The following OR1F1 variants were observed in gnomAD, a reference collection of about 807,000 sequenced individuals.
OR1F1 encodes olfactory receptor family 1 subfamily F member 1.
For synonymous variants in OR1F1, 184 were observed against 156.7 expected (o/e 1.17, Z -1.30); for missense variants, 493 against 376.3 (o/e 1.31, Z -2.57).
At chr16:3,204,679 G>T in exon 1 of OR1F1, 1 of 1,614,166 alleles carries the variant, frequency 6.2e-7, no homozygotes, top group East Asian at 2.2e-5. Flanking sequence ...TGCCCTGCTG[G>T]TTGCTGGATT....
the OR1F1 span, among the ~76,000 whole-genome samples, chr16:3,190,024 A>G: frequency 6.6e-6 from 1 of 152,024 alleles, no homozygotes; most frequent in African/African-American, 2.4e-5. Context: ...AAGTCCCTAT[A>G]TACAATAAGA....
At chr16:3,200,655 T>C (rs1958126311), upstream of OR1F1, among the ~76,000 whole-genome samples, 2 of 152,140 alleles carry the variant, frequency 1.3e-5, no homozygotes, top group Admixed American at 1.3e-4. Context: ...AAAAGGTCAA[T>C]TTGAAGGCAG....
the OR1F1 span, among the ~76,000 whole-genome samples, chr16:3,190,147 G>A: frequency 6.6e-6 from 1 of 152,146 alleles, no homozygotes; most frequent in Non-Finnish European, 1.5e-5. Flanking sequence ...CACTCGAGCA[G>A]TGGAGATAGG....
chr16:3,198,538 A>T, the OR1F1 span, among the ~76,000 whole-genome samples: 2 of 152,180 alleles, frequency 1.3e-5, no homozygotes, highest in Admixed American at 1.3e-4. Flanking sequence ...GGGAACAGGT[A>T]GCTCTCCTGG....
the OR1F1 span, among the ~76,000 whole-genome samples, chr16:3,192,765 C>T: frequency 6.6e-6 from 1 of 151,876 alleles, no homozygotes; most frequent in African/African-American, 2.4e-5. Flanking sequence ...GTTGGCCCAG[C>T]TCTGAGTCGC....
downstream of OR1F1, among the ~76,000 whole-genome samples, chr16:3,206,305 T>C (rs1958208625): frequency 6.6e-6 from 1 of 152,224 alleles, no homozygotes; most frequent in Admixed American, 6.5e-5. Flanking sequence ...ATCAAGACAA[T>C]ACGTGCACAG....
chr16:3,194,217 A>G, the OR1F1 span, among the ~76,000 whole-genome samples: 1 of 152,202 alleles, frequency 6.6e-6, no homozygotes, highest in Non-Finnish European at 1.5e-5. Flanking sequence ...AGAAAAAGCA[A>G]TGTACAGCTT....
chr16:3,198,899 G>T, the OR1F1 span, among the ~76,000 whole-genome samples: 1 of 151,456 alleles, frequency 6.6e-6, no homozygotes, highest in Non-Finnish European at 1.5e-5. Context: ...TGAGGCTGCA[G>T]TGAGCTGTGT....
the OR1F1 span, among the ~76,000 whole-genome samples, chr16:3,196,158 G>A: frequency 2.0e-5 from 3 of 152,362 alleles, no homozygotes; most frequent in East Asian, 3.9e-4. Context: ...GTTATGCCCA[G>A]CTAGCTCAGC....
the OR1F1 span, among the ~76,000 whole-genome samples, chr16:3,196,188 T>C: frequency 1.3e-4 from 20 of 152,210 alleles, no homozygotes; most frequent in Admixed American, 1.3e-3. Flanking sequence ...ACAAGACTCT[T>C]AATCTCAGGG....
chr16:3,205,091 C>T lies in OR1F1; in HGVS notation c.845C>T (p.Thr282Ile), dbSNP rs143573382. Reference sequence around the variant, plus strand: ...GCTACTGTGTTGTATACAGTAGTGACTCCCATGCTAAACCCTTTCATCTAC... The same window carrying T: ...GCTACTGTGTTGTATACAGTAGTGATTCCCATGCTAAACCCTTTCATCTAC... Residue 282 changes from threonine (T) to isoleucine (I), a missense_variant, in exon 1 of 1, where the codon ACT (threonine) becomes ATT (isoleucine). By Grantham distance (89) the Thr-to-Ile change is moderately conservative. Transcript: ENST00000304646. The T allele has an allele frequency of 2.4e-5, 39 of 1,613,970 alleles. No individual in the cohort carries two copies. In the African/African-American group the frequency reaches 2.8e-4, roughly 12 times the overall value.
chr16:3,204,194 A>G (rs1958170916), upstream of OR1F1: 2 of 1,401,380 alleles, frequency 1.4e-6, no homozygotes, highest in East Asian at 4.7e-5. Context: ...GCATTTTCCA[A>G]GCTTTTGCAT....
chr16:3,204,651 G>C (rs1385499949), exon 1 of OR1F1: 1 of 1,614,158 alleles, frequency 6.2e-7, no homozygotes, highest in Admixed American at 1.7e-5. Flanking sequence ...ACACAGCAAA[G>C]ATGACCCATC....
At chr16:3,199,731 T>C (rs1374703613), upstream of OR1F1, among the ~76,000 whole-genome samples, 1 of 152,128 alleles carries the variant, frequency 6.6e-6, no homozygotes, top group Non-Finnish European at 1.5e-5. Context: ...TTGAAAGTTA[T>C]GGCTGGTTGC....
chr16:3,195,530 A>G, the OR1F1 span, among the ~76,000 whole-genome samples: 2 of 151,834 alleles, frequency 1.3e-5, no homozygotes, highest in African/African-American at 4.8e-5. Flanking sequence ...AAATACAAAA[A>G]TATTAACCGG....
At chr16:3,192,629 C>CG in the OR1F1 span, among the ~76,000 whole-genome samples, 36 of 152,242 alleles carry the variant, frequency 2.4e-4, no homozygotes, top group African/African-American at 8.7e-4. Context: ...TCCACGATCC[C>CG]GGGGGGCGTC....
At chr16:3,198,320 G>A in the OR1F1 span, among the ~76,000 whole-genome samples, 6 of 152,092 alleles carry the variant, frequency 3.9e-5, no homozygotes, top group Admixed American at 2.6e-4. Context: ...CAGGAAGAGC[G>A]GGTGTTTTCA....
the OR1F1 span, among the ~76,000 whole-genome samples, chr16:3,193,980 C>T: frequency 1.3e-5 from 2 of 152,172 alleles, no homozygotes; most frequent in South Asian, 2.1e-4. Context: ...GTTCGAGTTC[C>T]ACCTGGGGTA....
the OR1F1 span, among the ~76,000 whole-genome samples, chr16:3,189,022 G>A: frequency 6.6e-6 from 1 of 152,186 alleles, no homozygotes; most frequent in Non-Finnish European, 1.5e-5. Flanking sequence ...TGCGGGGCTG[G>A]TTCAGTCGAT....
Sources: allele counts gnomAD v4.1 joint callset (sites outside exome capture counted in the v4.1 genomes callset), GRCh38; gene constraint gnomAD v4.1.1; transcripts MANE v1.5; gene names NCBI Gene and HGNC (gene_info 2026-07-23, HGNC 2026-07-21).